The following EBF2 variants were observed in gnomAD, a reference collection of about 807,000 sequenced individuals.
EBF2 encodes the protein EBF transcription factor 2.
Under a neutral mutation model 72.8 loss-of-function variants are expected in EBF2, and 21 were observed. The observed-to-expected ratio is 0.29, with a 90% CI of 0.20 to 0.42. The LOEUF (loss-of-function observed/expected upper bound fraction) is 0.42, where lower values mean the gene tolerates loss of function less well. EBF2 is among the 10% of genes least tolerant of loss of function. The probability of loss-of-function intolerance (pLI) is 1.00; values close to 1 mark genes in which losing one functional copy is unlikely to be tolerated. For missense variants in EBF2, 637 were observed against 731.2 expected, an observed-to-expected ratio of 0.87 and a Z score of 1.49; for synonymous variants, 299 against 274.2, an observed-to-expected ratio of 1.09 and a Z score of -0.89.
At chr8:25,970,574 T>C (rs934469803) in intron 6 of EBF2, among the ~76,000 whole-genome samples, 1 of 152,070 alleles carries the variant, frequency 6.6e-6, no homozygotes, top group African/African-American at 2.4e-5. Flanking sequence ...AGAAATTACC[T>C]TCCTTGAAGT....
intron 6 of EBF2, among the ~76,000 whole-genome samples, chr8:25,928,977 C>T (rs17054637): frequency 0.017 from 2,576 of 152,146 alleles, 68 homozygotes; most frequent in African/African-American, 0.059. Flanking sequence ...TAAGTGCTGA[C>T]GCAGTGAGAT....
chr8:26,018,496 CAAAAAAAAAAAA>C (rs10555042), intron 6 of EBF2, among the ~76,000 whole-genome samples: 46 of 81,626 alleles, frequency 5.6e-4, no homozygotes, highest in South Asian at 4.7e-4. Flanking sequence ...ACTAAAAATA[CAAAAAAAAAAAA>C]AAAAAAAAAA....
At position 25,861,223 on chromosome 8, in the gene EBF2, T is replaced by C. The variant is rs528921323; in HGVS notation, c.1168A>G (p.Ile390Val). Residue 390 changes from isoleucine (I) to valine (V), a missense_variant, in exon 13 of 16, where the codon ATC becomes GTC. This residue lies in a region of EBF2 where 259 missense variants were observed against 268.1 expected (regional missense o/e 0.97). Coordinates refer to ENST00000520164, the MANE Select transcript of EBF2 (RefSeq NM_022659.4). ...ATGTCTGCGGCTCGCTTCAAAATGA[T>C]GTCCTACAAAACAACAGGTTAATGT... ...LYGTPHNNQD[I>V]ILKRAADIAE... 5 of 1,613,014 alleles carry C rather than the reference T, an allele frequency of 3.1e-6. No homozygotes were observed. In the East Asian group the frequency reaches 8.9e-5, roughly 29 times the overall value.
At chr8:25,952,789 T>G (rs1803885170) in intron 6 of EBF2, among the ~76,000 whole-genome samples, 1 of 152,220 alleles carries the variant, frequency 6.6e-6, no homozygotes, top group Non-Finnish European at 1.5e-5. Flanking sequence ...CTTTCTGAAT[T>G]TTCTTAGTAT....
chr8:25,867,979 T>C (rs977504323), intron 10 of EBF2, among the ~76,000 whole-genome samples: 1 of 152,230 alleles, frequency 6.6e-6, no homozygotes, highest in African/African-American at 2.4e-5. Context: ...GATCTAGAGT[T>C]CCCCTCCCCC....
chr8:25,870,315 A>C (rs183747983), intron 10 of EBF2, among the ~76,000 whole-genome samples: 1 of 152,272 alleles, frequency 6.6e-6, no homozygotes, highest in Non-Finnish European at 1.5e-5. Context: ...GAAAACAGGA[A>C]AATTATTGAT....
At chr8:25,866,417 T>C (rs1802316953) in intron 10 of EBF2, among the ~76,000 whole-genome samples, 1 of 143,878 alleles carries the variant, frequency 7.0e-6, no homozygotes, top group African/African-American at 2.6e-5. Flanking sequence ...TTTTCTCTTT[T>C]GGCCAGATTT....
intron 6 of EBF2, among the ~76,000 whole-genome samples, chr8:26,002,451 G>T (rs986670575): frequency 2.0e-5 from 3 of 152,348 alleles, no homozygotes; most frequent in African/African-American, 7.2e-5. Flanking sequence ...CCAGACATGT[G>T]CTGTGCATTA....
intron 7 of EBF2, among the ~76,000 whole-genome samples, chr8:25,891,879 T>C (rs1331730405): frequency 1.3e-5 from 2 of 152,156 alleles, no homozygotes; most frequent in Non-Finnish European, 2.9e-5. Flanking sequence ...CTCCCAGCCC[T>C]ACCTTACCTC....
At chr8:26,032,007 C>T (rs974793519) in intron 6 of EBF2, 12 of 152,184 alleles carry the variant, frequency 7.9e-5, no homozygotes, top group African/African-American at 2.9e-4. Context: ...TTATATTTGC[C>T]CATCATCCTC....
At chr8:25,957,035 A>G (rs1803960546) in intron 6 of EBF2, among the ~76,000 whole-genome samples, 1 of 152,224 alleles carries the variant, frequency 6.6e-6, no homozygotes. Context: ...GGCCACATTT[A>G]TTGCTGTGCC....
At chr8:25,994,661 A>C (rs966546989) in intron 6 of EBF2, among the ~76,000 whole-genome samples, 30 of 152,244 alleles carry the variant, frequency 2.0e-4, no homozygotes, top group African/African-American at 6.8e-4. Context: ...GCTGGAGGCC[A>C]TTATTCTAAG....
chr8:25,850,571 C>A, intron 15 of EBF2, 23 bp downstream of exon 15: 1 of 1,523,184 alleles, frequency 6.6e-7, no homozygotes, highest in Non-Finnish European at 8.7e-7. Flanking sequence ...ATTGTGTATC[C>A]CCAAAATAGA....
At chr8:25,929,347 T>C (rs1256853187) in intron 6 of EBF2, among the ~76,000 whole-genome samples, 1 of 152,138 alleles carries the variant, frequency 6.6e-6, no homozygotes, top group African/African-American at 2.4e-5. Flanking sequence ...CCAACTCCTG[T>C]TAGAGAGAGA....
intron 6 of EBF2, among the ~76,000 whole-genome samples, chr8:26,017,494 C>T (rs1395421129): frequency 6.6e-6 from 1 of 152,096 alleles, no homozygotes; most frequent in African/African-American, 2.4e-5. Context: ...TCTCTGGGGT[C>T]CCAAAACAAA....
intron 5 of EBF2, among the ~76,000 whole-genome samples, chr8:26,033,527 G>A (rs1446519033): frequency 6.6e-6 from 1 of 152,220 alleles, no homozygotes; most frequent in East Asian, 1.9e-4. Context: ...GTAGTGCCTG[G>A]CCACAAGAAC....
intron 6 of EBF2, among the ~76,000 whole-genome samples, chr8:26,021,465 C>T (rs892533871): frequency 6.6e-6 from 1 of 152,212 alleles, no homozygotes; most frequent in Admixed American, 6.5e-5. Context: ...CAACATCTCT[C>T]TTCCCCCTCC....
At chr8:25,967,881 G>C (rs1348209209) in intron 6 of EBF2, among the ~76,000 whole-genome samples, 5 of 152,158 alleles carry the variant, frequency 3.3e-5, no homozygotes, top group Admixed American at 2.0e-4. Flanking sequence ...CTGCCAAATA[G>C]GAGTGTCATT....
At chr8:25,881,844 C>CA (rs1259059028) in intron 10 of EBF2, among the ~76,000 whole-genome samples, 6 of 152,122 alleles carry the variant, frequency 3.9e-5, no homozygotes, top group African/African-American at 1.4e-4. Context: ...CAGGCACCGG[C>CA]GGGCCACTGA....
Sources: allele counts gnomAD v4.1 joint callset (sites outside exome capture counted in the v4.1 genomes callset), GRCh38; gene constraint gnomAD v4.1.1; regional missense constraint gnomAD v4.1.1; transcripts MANE v1.5; gene names NCBI Gene and HGNC (gene_info 2026-07-23, HGNC 2026-07-21).